NALCN: variants seen among roughly 807,000 people sequenced by gnomAD.
The protein encoded by NALCN is sodium leak channel NALCN.
In NALCN, 111 loss-of-function variants were observed where a neutral mutation model predicts 225.3. The observed-to-expected ratio is 0.49, with a 90% CI of 0.42 to 0.58. The LOEUF (loss-of-function observed/expected upper bound fraction) is 0.58, where lower values mean the gene tolerates loss of function less well. Among genes scored for constraint, NALCN ranks in the 20% least tolerant of loss-of-function variants. The probability of loss-of-function intolerance (pLI) is 0.00; values close to 1 mark genes in which losing one functional copy is unlikely to be tolerated. For missense variants in NALCN, 1,378 were observed against 2,202.4 expected (o/e 0.63, Z 7.49); for synonymous variants, 764 against 769.0 (o/e 0.99, Z 0.11).
chr13:101,176,117 A>G (rs1338602025), intron 15 of NALCN, among the ~76,000 whole-genome samples, 183 bp downstream of exon 15: 1 of 152,242 alleles, frequency 6.6e-6, no homozygotes, highest in East Asian at 1.9e-4. Context: ...TTTATAGAGT[A>G]ATAGAAAGTT....
intron 10 of NALCN, among the ~76,000 whole-genome samples, chr13:101,272,049 G>A (rs2042804987): frequency 1.3e-5 from 2 of 151,800 alleles, no homozygotes; most frequent in African/African-American, 4.8e-5. Flanking sequence ...TTGTGTGAGC[G>A]TGCATGAGCA....
intron 22 of NALCN, among the ~76,000 whole-genome samples, chr13:101,105,275 C>T (rs2035035171): frequency 6.6e-6 from 1 of 152,224 alleles, no homozygotes; most frequent in Non-Finnish European, 1.5e-5. Context: ...TAAAAACACT[C>T]ATTTGAAATC....
intron 14 of NALCN, among the ~76,000 whole-genome samples, chr13:101,187,572 T>C (rs764644576): frequency 3.9e-5 from 6 of 152,006 alleles, no homozygotes; most frequent in Non-Finnish European, 7.4e-5. Context: ...TTTAGGAAAA[T>C]AGGTAAAGCA....
chr13:101,245,658 G>A (rs2041873036), intron 11 of NALCN, among the ~76,000 whole-genome samples: 1 of 152,018 alleles, frequency 6.6e-6, no homozygotes, highest in African/African-American at 2.4e-5. Context: ...GTTTGATGTC[G>A]CCATAATGAG....
intron 27 of NALCN, among the ~76,000 whole-genome samples, chr13:101,099,721 T>C (rs1464355549): frequency 3.9e-5 from 6 of 152,194 alleles, no homozygotes; most frequent in Non-Finnish European, 8.8e-5. Flanking sequence ...CCTTGCAGTA[T>C]CTCTGCTCTT....
chr13:101,392,846 A>G (rs1453573984), intron 3 of NALCN, among the ~76,000 whole-genome samples: 2 of 152,250 alleles, frequency 1.3e-5, no homozygotes, highest in African/African-American at 4.8e-5. Context: ...ATTAATGTAT[A>G]GAAACCAACA....
At chr13:101,355,115 G>A (rs1460441320) in intron 6 of NALCN, among the ~76,000 whole-genome samples, 9 of 152,090 alleles carry the variant, frequency 5.9e-5, no homozygotes, top group African/African-American at 1.2e-4. Context: ...CCTGCTCCCC[G>A]TCTGCCTTCT....
intron 6 of NALCN, among the ~76,000 whole-genome samples, chr13:101,351,890 A>G (rs548208430): frequency 1.3e-5 from 2 of 152,246 alleles, no homozygotes; most frequent in South Asian, 4.1e-4. Flanking sequence ...GTTATTCACA[A>G]TATCGTCTTT....
intron 1 of NALCN, among the ~76,000 whole-genome samples, chr13:101,406,511 A>C (rs1338041): frequency 0.4 from 61,441 of 152,020 alleles, 12,760 homozygotes; most frequent in East Asian, 0.58. Flanking sequence ...CAATATATTT[A>C]AATCATATAG....
At chr13:101,124,276 C>T (rs1037249277) in intron 18 of NALCN, among the ~76,000 whole-genome samples, 3 of 151,964 alleles carry the variant, frequency 2.0e-5, no homozygotes, top group African/African-American at 7.3e-5. Context: ...ACCATTTATC[C>T]TTTAGATTGC....
chr13:101,097,424 G>A (rs1042135722), intron 27 of NALCN, among the ~76,000 whole-genome samples: 2 of 152,006 alleles, frequency 1.3e-5, no homozygotes, highest in African/African-American at 4.8e-5. Flanking sequence ...TTGTATAAAG[G>A]TCCCTTGACA....
At chr13:101,283,846 G>A (rs2139007350) in intron 10 of NALCN, 87 bp downstream of exon 10, 3 of 1,112,652 alleles carry the variant, frequency 2.7e-6, no homozygotes, top group East Asian at 2.6e-5. Flanking sequence ...GACAAATCTA[G>A]AGCTTAAAGA....
intron 10 of NALCN, among the ~76,000 whole-genome samples, chr13:101,281,712 T>G (rs1237230667): frequency 1.3e-5 from 2 of 152,122 alleles, no homozygotes; most frequent in African/African-American, 4.8e-5. Flanking sequence ...AGGGGAAAAT[T>G]GGAACACCAT....
chr13:101,316,858 A>G (rs376085881), intron 7 of NALCN, among the ~76,000 whole-genome samples: 8 of 152,350 alleles, frequency 5.3e-5, no homozygotes, highest in African/African-American at 1.9e-4. Flanking sequence ...TATGAGAAAA[A>G]AAATGCTTCA....
intron 34 of NALCN, among the ~76,000 whole-genome samples, chr13:101,080,487 AAAT>A (rs894245040): frequency 1.3e-3 from 196 of 147,330 alleles, no homozygotes; most frequent in African/African-American, 4.5e-3. Context: ...TAAATTATAT[AAAT>A]AATTATAATT....
chr13:101,195,194 CA>C (rs1263465609), intron 13 of NALCN, among the ~76,000 whole-genome samples: 1 of 152,106 alleles, frequency 6.6e-6, no homozygotes, highest in East Asian at 1.9e-4. Context: ...GGAAAGAAGG[CA>C]GAGAGGAAGT....
At chr13:101,285,803 G>A (rs564923409) in intron 9 of NALCN, among the ~76,000 whole-genome samples, 1 of 152,210 alleles carries the variant, frequency 6.6e-6, no homozygotes, top group African/African-American at 2.4e-5. Context: ...TAAAGTTTCT[G>A]TCAAAATTCT....
At chr13:101,306,389 G>GTCGGTCC (rs1424129091) in intron 7 of NALCN, among the ~76,000 whole-genome samples, 1 of 152,046 alleles carries the variant, frequency 6.6e-6, no homozygotes, top group Non-Finnish European at 1.5e-5. Context: ...CTTCTCCCAC[G>GTCGGTCC]TCGGTCCTCA....
chr13:101,156,180 G>A (rs1465415231), intron 15 of NALCN, among the ~76,000 whole-genome samples: 1 of 152,026 alleles, frequency 6.6e-6, no homozygotes, highest in Non-Finnish European at 1.5e-5. Context: ...TATTTTGTTT[G>A]TTTGTTTGTT....
Sources: gnomAD v4.1 joint callset for allele counts (sites outside exome capture counted in the v4.1 genomes callset) on GRCh38, gnomAD v4.1.1 for gene constraint, MANE v1.5 for transcripts, NCBI Gene and HGNC (gene_info 2026-07-23, HGNC 2026-07-21) for gene names.